SLC8A3: variants seen among roughly 807,000 people sequenced by gnomAD.
The protein encoded by SLC8A3 is solute carrier family 8 member A3.
A neutral mutation model predicts 65.4 loss-of-function variants in SLC8A3; 37 were observed. The observed-to-expected ratio is 0.57, with a 90% CI of 0.44 to 0.74. The LOEUF is 0.74. Ranked by LOEUF, SLC8A3 falls within the 30% of genes least tolerant of loss-of-function variation. SLC8A3 has a pLI of 0.00. For synonymous variants in SLC8A3, 461 were observed against 444.5 expected, an observed-to-expected ratio of 1.04 and a Z score of -0.47; for missense variants, 1,112 against 1,172.1, an observed-to-expected ratio of 0.95 and a Z score of 0.75.
intron 2 of SLC8A3, among the ~76,000 whole-genome samples, chr14:70,067,333 G>A (rs936563031): frequency 2.0e-5 from 3 of 152,210 alleles, no homozygotes; most frequent in Admixed American, 6.5e-5. Context: ...AAGTTAGTTA[G>A]TTAGTTACTG....
At chr14:70,095,509 G>A (rs141335085) in intron 2 of SLC8A3, among the ~76,000 whole-genome samples, 187 of 152,324 alleles carry the variant, frequency 1.2e-3, no homozygotes, top group Non-Finnish European at 2.3e-3. Context: ...CACAACAGCG[G>A]CTTCCTTCCC....
intron 2 of SLC8A3, among the ~76,000 whole-genome samples, chr14:70,072,462 G>A (rs1692457492): frequency 6.6e-6 from 1 of 151,970 alleles, no homozygotes; most frequent in South Asian, 2.1e-4. Context: ...ATGCCTTGTA[G>A]GGTAGCTCTA....
chr14:70,121,680 T>G (rs977870570), intron 2 of SLC8A3, among the ~76,000 whole-genome samples: 1 of 152,152 alleles, frequency 6.6e-6, no homozygotes, highest in Non-Finnish European at 1.5e-5. Context: ...GATTCAATCT[T>G]CTAAGGAAAA....
At chr14:70,053,404 C>G (rs2139744610) in intron 3 of SLC8A3, among the ~76,000 whole-genome samples, 1 of 152,324 alleles carries the variant, frequency 6.6e-6, no homozygotes, top group Admixed American at 6.5e-5. Context: ...AGAAGCCAGA[C>G]TGCAAGCTAC....
chr14:70,176,632 C>T (rs1468927696), intron 1 of SLC8A3, among the ~76,000 whole-genome samples: 1 of 152,204 alleles, frequency 6.6e-6, no homozygotes, highest in Non-Finnish European at 1.5e-5. Flanking sequence ...CAAATGGGTA[C>T]CACAAGACAT....
chr14:70,068,958 T>C (rs948730723), intron 2 of SLC8A3, among the ~76,000 whole-genome samples: 1 of 152,180 alleles, frequency 6.6e-6, no homozygotes, highest in Non-Finnish European at 1.5e-5. Context: ...GCTCAAGCAA[T>C]CCACTGGCCT....
At chr14:70,180,674 C>A (rs1882673495) in intron 1 of SLC8A3, among the ~76,000 whole-genome samples, 1 of 152,190 alleles carries the variant, frequency 6.6e-6, no homozygotes, top group African/African-American at 2.4e-5. Flanking sequence ...TCAACAGAAT[C>A]TACATGGCTC....
At chr14:70,125,598 T>C (rs1057444536) in intron 2 of SLC8A3, among the ~76,000 whole-genome samples, 1 of 149,538 alleles carries the variant, frequency 6.7e-6, no homozygotes, top group African/African-American at 2.4e-5. Flanking sequence ...GTTAGGTTGA[T>C]TCCATATTTT....
intron 2 of SLC8A3, chr14:70,063,839 A>G: frequency 6.2e-7 from 1 of 1,603,432 alleles, no homozygotes; most frequent in Non-Finnish European, 8.5e-7. Context: ...GAAAACTCAT[A>G]TCCACCATGC....
intron 2 of SLC8A3, chr14:70,080,231 CT>C: frequency 3.0e-6 from 3 of 985,350 alleles, no homozygotes; most frequent in Non-Finnish European, 3.6e-6. Flanking sequence ...TGCCTTAGCG[CT>C]TTCATTTTTT....
chr14:70,094,430 C>A (rs1892018244), intron 2 of SLC8A3, among the ~76,000 whole-genome samples: 1 of 152,210 alleles, frequency 6.6e-6, no homozygotes, highest in Non-Finnish European at 1.5e-5. Flanking sequence ...CCAACAGTTC[C>A]CATCATTACG....
intron 2 of SLC8A3, among the ~76,000 whole-genome samples, chr14:70,113,092 G>C (rs1434891769): frequency 1.1e-5 from 1 of 88,048 alleles, no homozygotes; most frequent in Non-Finnish European, 2.5e-5. Context: ...GGAGACTTCA[G>C]CTTGGGGACA....
At chr14:70,073,214 C>T (rs1345623492) in intron 2 of SLC8A3, among the ~76,000 whole-genome samples, 1 of 152,078 alleles carries the variant, frequency 6.6e-6, no homozygotes, top group Non-Finnish European at 1.5e-5. Flanking sequence ...GGGTTAGGAA[C>T]GTTGCACTAT....
At chr14:70,170,433 A>G (rs1897454073) in intron 1 of SLC8A3, among the ~76,000 whole-genome samples, 1 of 152,322 alleles carries the variant, frequency 6.6e-6, no homozygotes, top group East Asian at 1.9e-4. Context: ...CTCATCCAAT[A>G]AACAGTGAAT....
At chr14:70,171,718 T>G (rs1013538335) in intron 1 of SLC8A3, among the ~76,000 whole-genome samples, 1 of 152,118 alleles carries the variant, frequency 6.6e-6, no homozygotes, top group Non-Finnish European at 1.5e-5. Context: ...AAGAATGGCT[T>G]GAACTCAGGA....
At chr14:70,057,294 G>GTAGGTAGA (rs1555368967) in intron 3 of SLC8A3, among the ~76,000 whole-genome samples, 15 of 149,580 alleles carry the variant, frequency 1.0e-4, no homozygotes, top group South Asian at 4.3e-4. Flanking sequence ...AGGCAGATAG[G>GTAGGTAGA]TAGATAGATA....
intron 2 of SLC8A3, among the ~76,000 whole-genome samples, chr14:70,138,901 G>C (rs886158372): frequency 9.2e-5 from 14 of 152,186 alleles, no homozygotes; most frequent in Non-Finnish European, 2.1e-4. Flanking sequence ...AATAAAGTAG[G>C]CTTCGCATTG....
At chr14:70,047,956 G>A (rs749095844) in intron 6 of SLC8A3, 1 of 152,248 alleles carries the variant, frequency 6.6e-6, no homozygotes, top group Non-Finnish European at 1.5e-5. Flanking sequence ...CAGTAGTTGA[G>A]AGTTGCCTCC....
intron 3 of SLC8A3, among the ~76,000 whole-genome samples, chr14:70,057,848 G>A (rs977142631): frequency 2.6e-5 from 4 of 152,136 alleles, no homozygotes; most frequent in Admixed American, 2.0e-4. Context: ...ATGAGCCCAC[G>A]GTTGTCGAAA....
Sources: gnomAD v4.1 joint callset for allele counts (sites outside exome capture counted in the v4.1 genomes callset) on GRCh38, gnomAD v4.1.1 for gene constraint, MANE v1.5 for transcripts, NCBI Gene and HGNC (gene_info 2026-07-23, HGNC 2026-07-21) for gene names.